Variants in AGO2 observed in about 807,000 individuals in gnomAD.
The protein encoded by AGO2 is protein argonaute-2.
In AGO2, 5 loss-of-function variants were observed where a neutral mutation model predicts 102.3. The ratio of observed to expected loss-of-function variants is 0.05; its 90% CI spans 0.03 to 0.10. The LOEUF (loss-of-function observed/expected upper bound fraction) is 0.10, where lower values mean the gene tolerates loss of function less well. AGO2 is among the 10% of genes least tolerant of loss of function. AGO2 has a pLI of 1.00. For synonymous variants in AGO2, 449 were observed against 473.1 expected, an observed-to-expected ratio of 0.95 and a Z score of 0.66; for missense variants, 541 against 1,183.7, an observed-to-expected ratio of 0.46 and a Z score of 7.97.
At chr8:140,627,994 C>T (rs1484936800) in intron 1 of AGO2, among the ~76,000 whole-genome samples, 3 of 152,322 alleles carry the variant, frequency 2.0e-5, no homozygotes, top group African/African-American at 7.2e-5. Flanking sequence ...GAGGATGCTC[C>T]CTGGAGCTGC....
chr8:140,635,561 G>T lies in AGO2; in HGVS notation c.-55C>A. ...AGGGGCGGCCGCGCGCGCGCCACGG[G>T]CCCCGACGCCGCGAGCCGCGAGGGA... On this transcript the variant is annotated 5_prime_UTR_variant, in exon 1 of 19. Transcript: ENST00000220592. 5 of 974,682 alleles carry T rather than the reference G, an allele frequency of 5.1e-6. No individual in the cohort carries two copies. The highest frequency in any genetic ancestry group is 6.1e-6 in the Non-Finnish European group (5 of 823,286). 60.4% of individuals were successfully genotyped at this position (974,682 alleles called of 1,614,324 possible).
Position 140,585,270 on chromosome 8 carries a change from C to T in AGO2, c.64G>A (p.Ala22Thr). The change falls in exon 2 of 19, where the codon GCC becomes ACC. Residue 22 changes from alanine (A) to threonine (T), a missense_variant. By Grantham distance (58) the Ala-to-Thr change is moderately conservative. Transcript: ENST00000220592. ...PAPPPPIQGY[A>T]FKPPPRPDFG... is the part of the protein sequence containing the mutation. ...TCGGGTCTAGGTGGAGGCTTGAAGG[C>T]ATATCCTTGGATGGGGGGCGGCGGC... 1.9e-6 allele frequency: 3 copies of T among 1,614,098 alleles called. No individual in the cohort carries two copies. In the South Asian group the frequency reaches 3.3e-5, roughly 18 times the overall value.
chr8:140,555,612 C>A (rs773662837), intron 10 of AGO2: 1 of 339,712 alleles, frequency 2.9e-6, no homozygotes, highest in Non-Finnish European at 5.3e-6. Flanking sequence ...ATTCGACCCT[C>A]GGTGAGTGTC....
At chr8:140,543,285 G>C (rs1212430398) in intron 14 of AGO2, among the ~76,000 whole-genome samples, 1 of 152,188 alleles carries the variant, frequency 6.6e-6, no homozygotes, top group Non-Finnish European at 1.5e-5. Context: ...CAAGTGGCAA[G>C]AATTAGTTGA....
intron 3 of AGO2, among the ~76,000 whole-genome samples, chr8:140,568,604 G>A (rs924799409): frequency 1.3e-5 from 2 of 152,206 alleles, no homozygotes; most frequent in Non-Finnish European, 2.9e-5. Flanking sequence ...GCCCCTGCCA[G>A]GAGGGGCCGT....
At chr8:140,628,638 T>C (rs2074304936) in intron 1 of AGO2, among the ~76,000 whole-genome samples, 1 of 151,200 alleles carries the variant, frequency 6.6e-6, no homozygotes, top group Admixed American at 6.6e-5. Flanking sequence ...CCTCCATCTC[T>C]ACAAAAAATA....
chr8:140,562,907 G>A (rs540664982), intron 3 of AGO2, among the ~76,000 whole-genome samples: 104 of 152,268 alleles, frequency 6.8e-4, no homozygotes, highest in Non-Finnish European at 1.2e-3. Context: ...ACGTATCCTC[G>A]TTTCACCCCC....
intron 2 of AGO2, among the ~76,000 whole-genome samples, chr8:140,584,668 C>T (rs548890749): frequency 1.2e-4 from 18 of 152,268 alleles, no homozygotes; most frequent in South Asian, 6.2e-4. Flanking sequence ...ATACACACAA[C>T]GGCGCAGGTG....
At chr8:140,631,257 G>A (rs1339480447) in intron 1 of AGO2, among the ~76,000 whole-genome samples, 1 of 152,148 alleles carries the variant, frequency 6.6e-6, no homozygotes, top group Non-Finnish European at 1.5e-5. Flanking sequence ...TTTAAAAGAC[G>A]TAGGCCGGGC....
At chr8:140,535,423 C>G in intron 17 of AGO2, 45 bp downstream of exon 17, 6 of 1,591,312 alleles carry the variant, frequency 3.8e-6, no homozygotes, top group Non-Finnish European at 5.2e-6. Context: ...GGGGATGACA[C>G]GGCAGACGGC....
intron 10 of AGO2, among the ~76,000 whole-genome samples, chr8:140,551,881 G>A (rs1277887268): frequency 6.6e-6 from 1 of 152,202 alleles, no homozygotes; most frequent in African/African-American, 2.4e-5. Context: ...TAAGGTGGGT[G>A]GGTGGATGGC....
chr8:140,560,033 G>A (rs1228918760), intron 5 of AGO2, among the ~76,000 whole-genome samples: 1 of 152,162 alleles, frequency 6.6e-6, no homozygotes, highest in Admixed American at 6.5e-5. Flanking sequence ...ACAGAGCAGC[G>A]ACTAAGCCTC....
At chr8:140,547,355 T>C in intron 13 of AGO2, 113 bp downstream of exon 13, 1 of 1,326,006 alleles carries the variant, frequency 7.5e-7, no homozygotes, top group Non-Finnish European at 1.0e-6. Flanking sequence ...AGGACGGTGC[T>C]GGGCCCAGGT....
At chr8:140,628,825 C>T (rs920528021) in intron 1 of AGO2, among the ~76,000 whole-genome samples, 1 of 152,060 alleles carries the variant, frequency 6.6e-6, no homozygotes, top group Admixed American at 6.5e-5. Flanking sequence ...GTGGCTCACA[C>T]CTGTAATCCC....
intron 17 of AGO2, among the ~76,000 whole-genome samples, chr8:140,533,115 C>T (rs762730068): frequency 5.3e-5 from 8 of 151,720 alleles, no homozygotes; most frequent in Non-Finnish European, 8.8e-5. Context: ...GCAGGCTGGG[C>T]CCGGTGGCTC....
chr8:140,610,592 A>C (rs550511660), intron 1 of AGO2, among the ~76,000 whole-genome samples: 26 of 152,344 alleles, frequency 1.7e-4, no homozygotes, highest in African/African-American at 5.3e-4. Context: ...AACCCTCCGA[A>C]GACAGCGCTC....
At chr8:140,596,957 A>G (rs1293874781) in intron 1 of AGO2, among the ~76,000 whole-genome samples, 1 of 152,174 alleles carries the variant, frequency 6.6e-6, no homozygotes, top group Non-Finnish European at 1.5e-5. Context: ...GGTGCCAGCC[A>G]GCCAAGGTGC....
chr8:140,570,666 C>A (rs1423232299), intron 3 of AGO2, among the ~76,000 whole-genome samples: 2 of 152,240 alleles, frequency 1.3e-5, no homozygotes, highest in East Asian at 1.9e-4. Context: ...TACATGCTCA[C>A]TGAAGTCTCA....
intron 4 of AGO2, among the ~76,000 whole-genome samples, chr8:140,561,143 G>T (rs1181847877): frequency 6.6e-6 from 1 of 152,238 alleles, no homozygotes; most frequent in African/African-American, 2.4e-5. Context: ...GACCCGGCTG[G>T]AGCTACTCGA....
Sources: allele counts gnomAD v4.1 joint callset (sites outside exome capture counted in the v4.1 genomes callset), GRCh38; gene constraint gnomAD v4.1.1; transcripts MANE v1.5; gene names NCBI Gene and HGNC (gene_info 2026-07-23, HGNC 2026-07-21).